DCBLD2: variants seen among roughly 807,000 people sequenced by gnomAD.
DCBLD2 encodes the protein discoidin, CUB and LCCL domain containing 2.
DCBLD2 carries 54 observed loss-of-function variants against 86.8 expected under a neutral mutation model. The observed-to-expected ratio is 0.62, with a 90% CI of 0.50 to 0.78. DCBLD2 has a LOEUF of 0.78. DCBLD2 is among the 30% of genes least tolerant of loss of function. The probability of loss-of-function intolerance (pLI) is 0.00; values close to 1 mark genes in which losing one functional copy is unlikely to be tolerated. For synonymous variants in DCBLD2, 354 were observed against 341.3 expected (o/e 1.04, Z -0.41); for missense variants, 908 against 954.2 (o/e 0.95, Z 0.64).
chr3:98,806,572 TTACAGC>T (rs1456962980), intron 13 of DCBLD2, among the ~76,000 whole-genome samples: 1 of 152,102 alleles, frequency 6.6e-6, no homozygotes, highest in Admixed American at 6.6e-5. Flanking sequence ...ATGGCTGGTG[TTACAGC>T]TGGGAGTTTT....
At position 98,899,518 on chromosome 3, in the gene DCBLD2, C is replaced by T. The variant is rs576273369; in HGVS notation, c.205+1604G>A. On this transcript the variant is annotated intron_variant, in intron 1 of 15. Coordinates refer to ENST00000326840, the MANE Select transcript of DCBLD2 (RefSeq NM_080927.4). ...GCCCGCCTCAGCCTCCCAAAGTGCTCGGATTACAGGTGTGAGCCACCGCGC... is the reference window on the plus strand; with the variant it reads ...GCCCGCCTCAGCCTCCCAAAGTGCTTGGATTACAGGTGTGAGCCACCGCGC... Among the ~76,000 whole-genome samples the T allele has an allele frequency of 9.2e-5, 14 of 152,078 alleles. No homozygotes were observed. In the South Asian group the frequency reaches 2.7e-3, roughly 29 times the overall value.
intron 12 of DCBLD2, among the ~76,000 whole-genome samples, chr3:98,809,159 G>A (rs560830226): frequency 6.6e-6 from 1 of 152,126 alleles, no homozygotes; most frequent in Non-Finnish European, 1.5e-5. Context: ...TTTCACTCCA[G>A]AGATAAGGAA....
At chr3:98,860,973 G>T (rs891930088) in intron 2 of DCBLD2, among the ~76,000 whole-genome samples, 7 of 152,184 alleles carry the variant, frequency 4.6e-5, no homozygotes. Context: ...CTGTATTCAG[G>T]AGACCCATCT....
chr3:98,824,117 C>T (rs982835664), intron 4 of DCBLD2, among the ~76,000 whole-genome samples: 8 of 151,960 alleles, frequency 5.3e-5, no homozygotes, highest in Non-Finnish European at 7.4e-5. Flanking sequence ...ACTGGACAGA[C>T]GGGCAGGTAA....
chr3:98,853,023 A>G (rs531074583), intron 2 of DCBLD2, among the ~76,000 whole-genome samples: 1 of 151,790 alleles, frequency 6.6e-6, no homozygotes, highest in Non-Finnish European at 1.5e-5. Flanking sequence ...GTGAGATGAT[A>G]AAACTGCGCT....
At chr3:98,900,819 CT>C in intron 1 of DCBLD2, 1 of 443,242 alleles carries the variant, frequency 2.3e-6, no homozygotes, top group Non-Finnish European at 4.2e-6. Context: ...TCCAAAGGTT[CT>C]TTTTCCTCCC....
rs1576174695 is a variant in DCBLD2, at chr3:98,839,204, C to CTTCCTTCT, written c.571+10256_571+10257insAGAAGGAA. Among the ~76,000 whole-genome samples the CTTCCTTCT allele has an allele frequency of 3.0e-5, 4 of 131,372 alleles. No homozygotes were observed. The East Asian group carries it at 6.3e-4, about 21-fold the overall frequency. The allele number at this position is 131,372 out of a possible 152,430, so 86.2% of individuals were successfully genotyped here. A position where few individuals can be genotyped will look rare whatever the true frequency, so the allele number is the denominator to read the frequency against. The stretch of plus-strand genomic sequence containing the variant: ...TCTTCCTTCCTTCCTTCCTTCCTTC[C>CTTCCTTCT]TTCTTTCTTTCCTTCTTTCCTTCTC... On this transcript the variant is annotated intron_variant, in intron 3 of 15. Transcript: ENST00000326840.
At chr3:98,891,887 T>C (rs1455472839) in intron 1 of DCBLD2, among the ~76,000 whole-genome samples, 1 of 151,872 alleles carries the variant, frequency 6.6e-6, no homozygotes, top group Non-Finnish European at 1.5e-5. Context: ...CCTATTTCCA[T>C]AATAATATCT....
chr3:98,857,127 T>C (rs951249247), intron 2 of DCBLD2, among the ~76,000 whole-genome samples: 1 of 152,014 alleles, frequency 6.6e-6, no homozygotes, highest in Non-Finnish European at 1.5e-5. Flanking sequence ...GGCTCAGGAG[T>C]GAAGCTGCAG....
At position 98,819,420 on chromosome 3, in the gene DCBLD2, G is replaced by A. The variant is rs777976627; in HGVS notation, c.872-3C>T. On this transcript the variant is annotated splice_region_variant and splice_polypyrimidine_tract_variant and intron_variant, in intron 7 of 15. Transcript: ENST00000326840. ...CATCCCCAGTGTTCCATAACATCCT[G>A]AAACAAAGAAAAGACTAAATTTGGT... The A allele has an allele frequency of 9.3e-6, 15 of 1,613,392 alleles. No homozygotes were observed. The East Asian group carries it at 3.1e-4, about 34-fold the overall frequency.
At chr3:98,844,792 G>T (rs904968850) in intron 3 of DCBLD2, among the ~76,000 whole-genome samples, 2 of 152,200 alleles carry the variant, frequency 1.3e-5, no homozygotes, top group Non-Finnish European at 2.9e-5. Context: ...AACAGGGGTT[G>T]CCAGTATAAA....
At chr3:98,818,185 C>G (rs1358712953) in intron 8 of DCBLD2, among the ~76,000 whole-genome samples, 1 of 152,062 alleles carries the variant, frequency 6.6e-6, no homozygotes, top group African/African-American at 2.4e-5. Context: ...AAGATGACTT[C>G]CTGGGAATGA....
Position 98,819,428 on chromosome 3 carries a change from G to T in DCBLD2, c.872-11C>A. On this transcript the variant is annotated splice_polypyrimidine_tract_variant and intron_variant, in intron 7 of 15. Coordinates refer to ENST00000326840, the MANE Select transcript of DCBLD2 (RefSeq NM_080927.4). ...GTGTTCCATAACATCCTGAAACAAA[G>T]AAAAGACTAAATTTGGTTTCCAGGT... The T allele has an allele frequency of 6.2e-7, 1 of 1,612,872 alleles. No individual in the cohort carries two copies. The highest frequency in any genetic ancestry group is 8.5e-7 in the Non-Finnish European group (1 of 1,179,632).
At chr3:98,840,595 C>A (rs1014076267) in intron 3 of DCBLD2, among the ~76,000 whole-genome samples, 1 of 152,094 alleles carries the variant, frequency 6.6e-6, no homozygotes, top group East Asian at 1.9e-4. Flanking sequence ...TTCCTGGTCT[C>A]AAGCAATCCT....
At chr3:98,828,639 G>T (rs1184077728) in intron 3 of DCBLD2, among the ~76,000 whole-genome samples, 4 of 152,170 alleles carry the variant, frequency 2.6e-5, no homozygotes, top group Non-Finnish European at 5.9e-5. Context: ...TTGGAAAATG[G>T]TTTGGCAGTT....
chr3:98,892,118 C>A (rs965278286), intron 1 of DCBLD2, among the ~76,000 whole-genome samples: 1 of 152,042 alleles, frequency 6.6e-6, no homozygotes, highest in African/African-American at 2.4e-5. Context: ...GCTTTGGAGT[C>A]CAACAGACTT....
At chr3:98,864,306 A>C (rs1178749906) in intron 2 of DCBLD2, among the ~76,000 whole-genome samples, 1 of 152,186 alleles carries the variant, frequency 6.6e-6, no homozygotes, top group Non-Finnish European at 1.5e-5. Flanking sequence ...CAATTCCTCA[A>C]GTATCTAGAA....
At chr3:98,838,627 T>C (rs2107470421) in intron 3 of DCBLD2, among the ~76,000 whole-genome samples, 1 of 152,064 alleles carries the variant, frequency 6.6e-6, no homozygotes, top group South Asian at 2.1e-4. Context: ...GAGACACTCT[T>C]CACTTCCCAG....
At chr3:98,825,186 G>T in intron 4 of DCBLD2, 129 bp downstream of exon 4, 2 of 643,066 alleles carry the variant, frequency 3.1e-6, no homozygotes, top group Non-Finnish European at 4.8e-6. Flanking sequence ...ATTTATTGAA[G>T]TCTCGGAACA....
Sources: gnomAD v4.1 joint callset for allele counts (sites outside exome capture counted in the v4.1 genomes callset) on GRCh38, gnomAD v4.1.1 for gene constraint, MANE v1.5 for transcripts, NCBI Gene and HGNC (gene_info 2026-07-23, HGNC 2026-07-21) for gene names.